The following BAZ2B variants were observed in gnomAD, a reference collection of about 807,000 sequenced individuals.
BAZ2B encodes bromodomain adjacent to zinc finger domain protein 2B.
Under a neutral mutation model 246.0 loss-of-function variants are expected in BAZ2B, and 91 were observed. The ratio of observed to expected loss-of-function variants is 0.37; its 90% confidence interval spans 0.31 to 0.44. The LOEUF is 0.44. Among genes scored for constraint, BAZ2B ranks in the 20% least tolerant of loss-of-function variants. BAZ2B has a pLI of 1.00. For missense variants in BAZ2B, 2,332 were observed against 2,533.7 expected, an observed-to-expected ratio of 0.92 and a Z score of 1.71; for synonymous variants, 855 against 860.0, an observed-to-expected ratio of 0.99 and a Z score of 0.10.
At chr2:159,376,556 A>G (rs767226016) in intron 25 of BAZ2B, among the ~76,000 whole-genome samples, 2 of 152,212 alleles carry the variant, frequency 1.3e-5, no homozygotes, top group African/African-American at 2.4e-5. Flanking sequence ...AAGAAAACTC[A>G]AAAGATAACT....
intron 1 of BAZ2B, among the ~76,000 whole-genome samples, chr2:159,558,191 A>G (rs1182397700): frequency 6.6e-6 from 1 of 152,222 alleles, no homozygotes; most frequent in African/African-American, 2.4e-5. Flanking sequence ...ACAATAGGAC[A>G]GGCCAGTGTC....
At chr2:159,381,817 C>T (rs2062026359) in intron 25 of BAZ2B, among the ~76,000 whole-genome samples, 1 of 152,158 alleles carries the variant, frequency 6.6e-6, no homozygotes, top group Non-Finnish European at 1.5e-5. Context: ...ACTTGCAATC[C>T]CCTTAAAGCA....
rs1439927192 is a variant in BAZ2B at position 159,438,683 on chromosome 2, C to T, written c.913G>A (p.Gly305Ser). Reference protein sequence around the residue: ...HKSNNQVLLHGISDPKADGQK... With the variant: ...HKSNNQVLLHSISDPKADGQK... ...CCATCTGCTTTTGGGTCTGAAATACCATGTAATAGCACCTAGATATAAAAA... is the reference window on the plus strand; with the variant it reads ...CCATCTGCTTTTGGGTCTGAAATACTATGTAATAGCACCTAGATATAAAAA... Residue 305 changes from glycine to serine, a missense_variant, in exon 8 of 37, where the codon GGT becomes AGT. Physicochemically the swap from Gly to Ser is moderately conservative, Grantham distance 56. Coordinates refer to ENST00000392783, the MANE Select transcript of BAZ2B (RefSeq NM_013450.4). The T allele has an allele frequency of 3.8e-6, 6 of 1,597,412 alleles. No homozygotes were observed. Among genetic ancestry groups the T allele is most frequent in the Non-Finnish European group, 5.1e-6 (6 of 1,175,342 alleles).
chr2:159,441,694 C>T (rs529754761), intron 6 of BAZ2B, among the ~76,000 whole-genome samples: 34 of 152,218 alleles, frequency 2.2e-4, no homozygotes, highest in Non-Finnish European at 4.3e-4. Flanking sequence ...TTGTCACCTA[C>T]GCTGGAGTGC....
At chr2:159,543,535 C>CTTT (rs199527937) in intron 2 of BAZ2B, among the ~76,000 whole-genome samples, 37 of 127,302 alleles carry the variant, frequency 2.9e-4, no homozygotes, top group African/African-American at 6.7e-4. Flanking sequence ...CTTAACAATT[C>CTTT]TTTTTTTTTT....
At chr2:159,585,150 T>C (rs1687756392) in intron 1 of BAZ2B, among the ~76,000 whole-genome samples, 1 of 152,212 alleles carries the variant, frequency 6.6e-6, no homozygotes, top group Non-Finnish European at 1.5e-5. Flanking sequence ...GAGTTGTCAC[T>C]AAGATGGGGA....
At chr2:159,667,250 G>A in the BAZ2B span, among the ~76,000 whole-genome samples, 2 of 151,284 alleles carry the variant, frequency 1.3e-5, no homozygotes, top group South Asian at 4.2e-4. Flanking sequence ...TATAAGATAG[G>A]ATTAATAATT....
intron 1 of BAZ2B, among the ~76,000 whole-genome samples, chr2:159,593,878 C>G (rs144579272): frequency 8.3e-4 from 127 of 152,258 alleles, no homozygotes; most frequent in Middle Eastern, 6.8e-3. Flanking sequence ...TTTTAAAAAG[C>G]CTACATTCTC....
At position 159,487,794 on chromosome 2, in the gene BAZ2B, AAG is replaced by A. The variant is rs540879024; in HGVS notation, c.-2-9075_-2-9074del. Among the ~76,000 whole-genome samples the A allele has an allele frequency of 3.3e-3, 500 of 152,100 alleles. 1 individual carries two copies. The highest frequency in any genetic ancestry group is 5.0e-3 in the Non-Finnish European group (343 of 67,984). On this transcript the variant is annotated intron_variant, in intron 2 of 36. Transcript: ENST00000392783. ...ATCCAATCAGATAAAGAAAAAAAAAAAGAATTTAAAAAAATGAACAAAGCTTC... is the reference window on the plus strand; with the variant it reads ...ATCCAATCAGATAAAGAAAAAAAAAAAATTTAAAAAAATGAACAAAGCTTC...
chr2:159,461,143 T>C (rs58011051), intron 3 of BAZ2B: 12,033 of 152,494 alleles, frequency 0.079, 648 homozygotes, highest in Middle Eastern at 0.16. Flanking sequence ...GTTTTTTTTT[T>C]ACATGTATGT....
intron 2 of BAZ2B, among the ~76,000 whole-genome samples, chr2:159,537,768 T>C (rs1331271765): frequency 6.6e-6 from 1 of 152,254 alleles, no homozygotes; most frequent in Admixed American, 6.5e-5. Flanking sequence ...TTTGTTGGTA[T>C]TCATTCTTCT....
At chr2:159,583,012 T>G (rs980473429) in intron 1 of BAZ2B, among the ~76,000 whole-genome samples, 1 of 152,002 alleles carries the variant, frequency 6.6e-6, no homozygotes, top group African/African-American at 2.4e-5. Flanking sequence ...ATAGAATACA[T>G]AGCAATACAA....
chr2:159,339,656 T>C lies in BAZ2B; in HGVS notation c.5455-1884A>G, dbSNP rs111824948. Among the ~76,000 whole-genome samples the C allele has an allele frequency of 3.7e-3, 559 of 152,268 alleles. 1 individual carries two copies. The highest frequency in any genetic ancestry group is 0.011 in the African/African-American group (451 of 41,552). On this transcript the variant is annotated intron_variant, in intron 31 of 36. Coordinates refer to ENST00000392783, the MANE Select transcript of BAZ2B (RefSeq NM_013450.4). The stretch of plus-strand genomic sequence containing the variant: ...AGCAATATTCACAATAGCTAAAATA[T>C]GGAATCAACCTAAATGCCCATCAAC...
chr2:159,691,555 T>C, the BAZ2B span, among the ~76,000 whole-genome samples: 3 of 152,178 alleles, frequency 2.0e-5, no homozygotes, highest in Admixed American at 2.0e-4. Flanking sequence ...GTTTACAGAA[T>C]TGCCTGTCTG....
At chr2:159,621,843 C>T in the BAZ2B span, among the ~76,000 whole-genome samples, 24 of 151,454 alleles carry the variant, frequency 1.6e-4, no homozygotes, top group Admixed American at 3.9e-4. Flanking sequence ...TGGTAGCTCA[C>T]GCCTGTAATC....
intron 6 of BAZ2B, among the ~76,000 whole-genome samples, chr2:159,442,161 T>C (rs1276245395): frequency 1.3e-5 from 2 of 152,120 alleles, no homozygotes; most frequent in African/African-American, 2.4e-5. Flanking sequence ...GGGTTTTGCT[T>C]TACATGTAGT....
At chr2:159,599,106 T>C (rs977961961) in intron 1 of BAZ2B, among the ~76,000 whole-genome samples, 4 of 152,164 alleles carry the variant, frequency 2.6e-5, no homozygotes, top group Non-Finnish European at 5.9e-5. Flanking sequence ...GGCACACGCC[T>C]GTAATCCCAG....
the BAZ2B span, among the ~76,000 whole-genome samples, chr2:159,680,347 G>A: frequency 6.6e-6 from 1 of 152,178 alleles, no homozygotes; most frequent in Non-Finnish European, 1.5e-5. Flanking sequence ...GTGCTTTTAT[G>A]TCTTCATACT....
At chr2:159,686,020 G>A in the BAZ2B span, among the ~76,000 whole-genome samples, 1 of 152,218 alleles carries the variant, frequency 6.6e-6, no homozygotes, top group African/African-American at 2.4e-5. Flanking sequence ...CCAATGCTTT[G>A]GGAGGCTGAG....
Sources: allele counts gnomAD v4.1 joint callset (sites outside exome capture counted in the v4.1 genomes callset), GRCh38; gene constraint gnomAD v4.1.1; transcripts MANE v1.5; gene names NCBI Gene and HGNC (gene_info 2026-07-23, HGNC 2026-07-21).